FRMD4A: variants seen among roughly 807,000 people sequenced by gnomAD.
The protein encoded by FRMD4A is FERM domain-containing protein 4A.
A neutral mutation model predicts 129.1 loss-of-function variants in FRMD4A; 29 were observed. That is an observed-to-expected ratio of 0.22 (90% CI 0.17 to 0.31). The LOEUF is 0.31. FRMD4A is among the 10% of genes least tolerant of loss of function. The probability of loss-of-function intolerance (pLI) is 1.00; values close to 1 mark genes in which losing one functional copy is unlikely to be tolerated. For synonymous variants in FRMD4A, 634 were observed against 571.6 expected, an observed-to-expected ratio of 1.11 and a Z score of -1.56; for missense variants, 1,272 against 1,375.8, an observed-to-expected ratio of 0.92 and a Z score of 1.19.
chr10:13,828,782 T>C (rs1044021710), intron 3 of FRMD4A, among the ~76,000 whole-genome samples: 2 of 152,222 alleles, frequency 1.3e-5, no homozygotes, highest in Non-Finnish European at 2.9e-5. Flanking sequence ...TCCGCCCGCC[T>C]TGGCCTCGCA....
At position 13,663,655 on chromosome 10, in the gene FRMD4A, G is replaced by A. The variant is rs6602672; in HGVS notation, c.1604-146C>T. ...ACCAGATACAATAAAAATGCTGTTG[G>A]GTGTTTCTTTTGTCAGTCCCCGTGG... On this transcript the variant is annotated intron_variant, in intron 18 of 24. Transcript: ENST00000357447. 2,806 of 625,668 alleles carry A rather than the reference G, an allele frequency of 4.5e-3. 61 individuals are homozygous for A. In the African/African-American group the frequency reaches 0.045, roughly 10 times the overall value. The allele number at this position is 625,668 out of a possible 1,614,324, so 38.8% of individuals were successfully genotyped here.
At chr10:13,694,901 G>A (rs1472864946) in intron 14 of FRMD4A, among the ~76,000 whole-genome samples, 1 of 152,040 alleles carries the variant, frequency 6.6e-6, no homozygotes, top group Non-Finnish European at 1.5e-5. Context: ...ATCACAGGGT[G>A]CATGATTGTG....
chr10:13,979,158 T>A (rs1387821796), intron 2 of FRMD4A, among the ~76,000 whole-genome samples: 1 of 152,212 alleles, frequency 6.6e-6, no homozygotes, highest in Non-Finnish European at 1.5e-5. Context: ...TTTGAGTACG[T>A]ACTTCGCAAG....
In FRMD4A at chr10:13,762,943, C is replaced by T. The variant is rs143481418; in HGVS notation, c.385-263G>A. Among the ~76,000 whole-genome samples the T allele has an allele frequency of 2.7e-3, 411 of 152,224 alleles. 1 individual carries two copies. Among genetic ancestry groups the T allele is most frequent in the African/African-American group, 9.7e-3 (403 of 41,532 alleles). ...CGAGCTGTGATAGTACCACCGCACT[C>T]CAGCCTGGGTAATGGGGTGAGTGAG... On this transcript the variant is annotated intron_variant, in intron 6 of 24. Transcript: ENST00000357447.
intron 14 of FRMD4A, 26 bp downstream of exon 14, chr10:13,701,314 G>T: frequency 6.2e-7 from 1 of 1,603,156 alleles, no homozygotes; most frequent in Non-Finnish European, 8.5e-7. Flanking sequence ...AATGGCCCGG[G>T]CTTGGTGAGA....
At chr10:14,328,881 A>G (rs2132131453) in intron 2 of FRMD4A, among the ~76,000 whole-genome samples, 1 of 152,296 alleles carries the variant, frequency 6.6e-6, no homozygotes, top group East Asian at 1.9e-4. Flanking sequence ...GGTAATGGGT[A>G]ATTTCTCTGG....
chr10:14,021,864 A>G (rs1010018884), intron 2 of FRMD4A, among the ~76,000 whole-genome samples: 1 of 152,222 alleles, frequency 6.6e-6, no homozygotes, highest in South Asian at 2.1e-4. Flanking sequence ...TTTCTTCAGT[A>G]TATCACCAGA....
chr10:13,869,666 G>A (rs2131079237), intron 2 of FRMD4A, among the ~76,000 whole-genome samples: 1 of 152,328 alleles, frequency 6.6e-6, no homozygotes, highest in Non-Finnish European at 1.5e-5. Flanking sequence ...GGCTCCTGGG[G>A]GGCAGCAGCG....
intron 2 of FRMD4A, among the ~76,000 whole-genome samples, chr10:14,184,709 C>G (rs1842030743): frequency 6.6e-6 from 1 of 152,156 alleles, no homozygotes; most frequent in African/African-American, 2.4e-5. Flanking sequence ...ATCAATCCCC[C>G]TAAGCTTTCT....
intron 2 of FRMD4A, among the ~76,000 whole-genome samples, chr10:13,974,058 T>G (rs1271863662): frequency 6.8e-6 from 1 of 147,250 alleles, no homozygotes; most frequent in Non-Finnish European, 1.5e-5. Flanking sequence ...GACAGAGTCT[T>G]GCTCAGTCGC....
intron 2 of FRMD4A, among the ~76,000 whole-genome samples, chr10:13,933,194 G>GGTCT (rs1310495998): frequency 6.6e-6 from 1 of 152,084 alleles, no homozygotes; most frequent in Non-Finnish European, 1.5e-5. Context: ...AGGAAAATAG[G>GGTCT]GTCTGGAGGC....
chr10:13,896,782 G>C (rs1273390249), intron 2 of FRMD4A, among the ~76,000 whole-genome samples: 1 of 152,036 alleles, frequency 6.6e-6, no homozygotes, highest in Non-Finnish European at 1.5e-5. Context: ...AAAAGAAATA[G>C]ATTTCCTGTT....
At chr10:14,267,554 C>T (rs536042059) in intron 2 of FRMD4A, among the ~76,000 whole-genome samples, 1 of 152,250 alleles carries the variant, frequency 6.6e-6, no homozygotes, top group East Asian at 1.9e-4. Flanking sequence ...GTTGGAATAT[C>T]TATTTTTATA....
intron 4 of FRMD4A, among the ~76,000 whole-genome samples, chr10:13,797,124 GAACTGGAAA>G (rs1399053497): frequency 2.0e-5 from 3 of 152,160 alleles, no homozygotes; most frequent in African/African-American, 7.2e-5. Context: ...GGAAGAATAG[GAACTGGAAA>G]GTGAAGGGAT....
At chr10:14,101,881 C>T (rs1837323066) in intron 2 of FRMD4A, among the ~76,000 whole-genome samples, 1 of 152,182 alleles carries the variant, frequency 6.6e-6, no homozygotes, top group African/African-American at 2.4e-5. Flanking sequence ...GATATCCTCT[C>T]AGGAGCATCT....
intron 2 of FRMD4A, among the ~76,000 whole-genome samples, chr10:14,208,835 A>G (rs1388524474): frequency 1.3e-5 from 2 of 152,102 alleles, no homozygotes. Flanking sequence ...GAAGATCCAT[A>G]TTGATGAAAC....
rs538872162 is a variant in FRMD4A at position 13,843,628 on chromosome 10, G to A, written c.111+15219C>T. Among the ~76,000 whole-genome samples, 3 of 152,276 alleles carry A rather than the reference G, an allele frequency of 2.0e-5. No homozygotes were observed. The South Asian group carries it at 6.2e-4, about 32-fold the overall frequency. On this transcript the variant is annotated intron_variant, in intron 3 of 24. Coordinates refer to ENST00000357447, the MANE Select transcript of FRMD4A (RefSeq NM_018027.5). ...CTCTCCTGCCTCAGCCTCCTGAGTG[G>A]CTGGAATTAGAGGCGGCCACCACCA...
intron 2 of FRMD4A, among the ~76,000 whole-genome samples, chr10:14,112,210 G>A (rs74122485): frequency 6.6e-6 from 1 of 152,140 alleles, no homozygotes; most frequent in African/African-American, 2.4e-5. Flanking sequence ...TGGCCCAGCT[G>A]GGGAGGGCCC....
chr10:13,893,804 C>T (rs766176536), intron 2 of FRMD4A, among the ~76,000 whole-genome samples: 3 of 152,226 alleles, frequency 2.0e-5, no homozygotes, highest in Non-Finnish European at 4.4e-5. Flanking sequence ...AGCCACCGCA[C>T]CCAGCTCAGA....
Sources: allele counts gnomAD v4.1 joint callset (sites outside exome capture counted in the v4.1 genomes callset), GRCh38; gene constraint gnomAD v4.1.1; transcripts MANE v1.5; gene names NCBI Gene and HGNC (gene_info 2026-07-23, HGNC 2026-07-21).